Variants in MYCN observed in about 807,000 individuals in gnomAD.
MYCN encodes MYCN proto-oncogene, bHLH transcription factor, also known as N-myc proto-oncogene protein.
In MYCN, 3 loss-of-function variants were observed where a neutral mutation model predicts 28.1. The observed-to-expected ratio is 0.11, with a 90% confidence interval of 0.05 to 0.28. MYCN has a LOEUF of 0.28. Ranked by LOEUF, MYCN falls within the 10% of genes least tolerant of loss-of-function variation. MYCN has a pLI of 1.00. For missense variants in MYCN, 572 were observed against 651.4 expected (o/e 0.88, Z 1.33); for synonymous variants, 326 against 288.3 (o/e 1.13, Z -1.32).
Position 15,941,986 on chromosome 2 carries a change from C to T in MYCN, c.-79C>T. Reference sequence around the variant, plus strand: ...CGCCGGCCCCCGCCTTCCGCGCCCCCCACGGGAAGGAAGCACCCCCGGTAT... The same window carrying T: ...CGCCGGCCCCCGCCTTCCGCGCCCCTCACGGGAAGGAAGCACCCCCGGTAT... On this transcript the variant is annotated 5_prime_UTR_variant, in exon 2 of 3. Transcript: ENST00000281043. The surrounding 1 kb of genome is among the most constrained non-coding windows in gnomAD (Gnocchi z 4.8). The T allele has an allele frequency of 6.4e-7, 1 of 1,574,578 alleles. No individual in the cohort carries two copies. The highest frequency in any genetic ancestry group is 8.6e-7 in the Non-Finnish European group (1 of 1,156,784).
In MYCN at chr2:15,942,992, C is replaced by G. The variant is rs1483005100; in HGVS notation, c.790+138C>G. The G allele has an allele frequency of 8.1e-6, 9 of 1,117,292 alleles. No homozygotes were observed. Among genetic ancestry groups the G allele is most frequent in the Non-Finnish European group, 1.1e-5 (9 of 832,444 alleles). 69.2% of individuals were successfully genotyped at this position (1,117,292 alleles called of 1,614,324 possible). ...AGGGGCAGAGAGGTCCTGTTTCCCC[C>G]AAGTCTCTCCTCGGGGTAAAGAGAA... On this transcript the variant is annotated intron_variant, in intron 2 of 2. Transcript: ENST00000281043. The surrounding 1 kb of genome is among the most constrained non-coding windows in gnomAD (Gnocchi z 7.0).
chr2:15,942,844 G>A lies in MYCN; in HGVS notation c.780G>A (p.Leu260=), dbSNP rs569322990. The stretch of plus-strand genomic sequence containing the variant: ...TCAGTACCTCCGGAGAGGACACCCT[G>A]AGCGATTCAGGTAAAGACCGAACTC... ...KALSTSGEDT[L]SDSDDEDDEE... The change falls in exon 2 of 3, where the codon CTG becomes CTA. Residue 260 remains leucine, a synonymous_variant. Coordinates refer to ENST00000281043, the MANE Select transcript of MYCN (RefSeq NM_005378.6). The surrounding 1 kb of genome is among the most constrained non-coding windows in gnomAD (Gnocchi z 7.0). 30 of 1,585,928 alleles carry A rather than the reference G, an allele frequency of 1.9e-5. No individual in the cohort carries two copies. In the South Asian group the frequency reaches 3.1e-4, roughly 17 times the overall value.
Position 15,942,621 on chromosome 2 carries a change from G to A in MYCN, c.557G>A (p.Cys186Tyr), listed in dbSNP as rs1185162841. 1.8e-6 allele frequency: 2 copies of A among 1,121,664 alleles called. No individual in the cohort carries two copies. Among genetic ancestry groups the A allele is most frequent in the Non-Finnish European group, 2.2e-6 (2 of 916,712 alleles). The allele number at this position is 1,121,664 out of a possible 1,614,324, so 69.5% of individuals were successfully genotyped here. ...PAELAHPAAECVDPAVVFPFP... is the reference protein window; with the variant it reads ...PAELAHPAAEYVDPAVVFPFP... ...GAGCTCGCCCACCCGGCCGCCGAGT[G>A]CGTGGATCCCGCCGTGGTCTTCCCC... The change falls in exon 2 of 3, where the codon TGC becomes TAC. Residue 186 changes from cysteine (C) to tyrosine (Y), a missense_variant. Cys to Tyr is a radical substitution (Grantham distance 194, BLOSUM62 -2). Coordinates refer to ENST00000281043, the MANE Select transcript of MYCN (RefSeq NM_005378.6). The surrounding 1 kb of genome is among the most constrained non-coding windows in gnomAD (Gnocchi z 7.0).
At position 15,941,017 on chromosome 2, in the gene MYCN, T is replaced by C. The variant is rs1013709567; in HGVS notation, c.-118+274T>C. 5.9e-6 allele frequency: 2 copies of C among 336,942 alleles called. No homozygotes were observed. The highest frequency in any genetic ancestry group is 1.1e-5 in the Non-Finnish European group (2 of 187,990). 20.9% of individuals were successfully genotyped at this position (336,942 alleles called of 1,614,324 possible). A position where few individuals can be genotyped will look rare whatever the true frequency, so the allele number is the denominator to read the frequency against. The stretch of plus-strand genomic sequence containing the variant: ...CTGCGAAAAGAAATTCCCTCGGCTC[T>C]AGAAGATCTGTCTGTGTTTGAGCTG... On this transcript the variant is annotated intron_variant, in intron 1 of 2. Coordinates refer to ENST00000281043, the MANE Select transcript of MYCN (RefSeq NM_005378.6). This position sits in a 1 kb window ranked among gnomAD's most constrained non-coding sequence, Gnocchi z 4.8.
Position 15,942,193 on chromosome 2 carries a change from C to T in MYCN, c.129C>T (p.Thr43=), listed in dbSNP as rs779206813. ...DDFYFGGPDS[T]PPGEDIWKKF... is the part of the protein sequence containing the mutation. ...TCTACTTCGGCGGCCCCGACTCGAC[C>T]CCCCCGGGGGAGGACATCTGGAAGA... Residue 43 remains threonine (T), a synonymous_variant, in exon 2 of 3, where the codon ACC becomes ACT. Coordinates refer to ENST00000281043, the MANE Select transcript of MYCN (RefSeq NM_005378.6). This position sits in a 1 kb window ranked among gnomAD's most constrained non-coding sequence, Gnocchi z 7.0. The T allele has an allele frequency of 3.7e-6, 6 of 1,613,714 alleles. No homozygotes were observed. Among genetic ancestry groups the T allele is most frequent in the South Asian group, 3.3e-5 (3 of 91,088 alleles).
rs1662607166 is a variant in MYCN, at chr2:15,940,625, A to G, written c.-236A>G. The stretch of plus-strand genomic sequence containing the variant: ...CTGGGAACTGTGTTGGAGCCGAGCA[A>G]GCGCTAGCCAGGCGCAAGCGCGCAC... On this transcript the variant is annotated 5_prime_UTR_variant, in exon 1 of 3. Coordinates refer to ENST00000281043, the MANE Select transcript of MYCN (RefSeq NM_005378.6). 2.5e-6 allele frequency: 1 copy of G among 400,368 alleles called. No individual in the cohort carries two copies. The highest frequency in any genetic ancestry group is 4.4e-6 in the Non-Finnish European group (1 of 226,234). The allele number at this position is 400,368 out of a possible 1,614,324, so 24.8% of individuals were successfully genotyped here. A position where few individuals can be genotyped will look rare whatever the true frequency, so the allele number is the denominator to read the frequency against.
rs1256373207 is a variant in MYCN at position 15,945,199 on chromosome 2, C to T, written c.791-294C>T. 6.6e-6 allele frequency among the ~76,000 whole-genome samples: 1 copy of T among 151,994 alleles called. No homozygotes were observed. The highest frequency in any genetic ancestry group is 2.4e-5 in the African/African-American group (1 of 41,364). On this transcript the variant is annotated intron_variant, in intron 2 of 2. Transcript: ENST00000281043. This position sits in a 1 kb window ranked among gnomAD's most constrained non-coding sequence, Gnocchi z 4.8. Reference sequence around the variant, plus strand: ...ATTTTTAGTAGAGACAGGGTTTCACCATGTTGGCCAGGCTGATCTTGAACT... The same window carrying T: ...ATTTTTAGTAGAGACAGGGTTTCACTATGTTGGCCAGGCTGATCTTGAACT...
chr2:15,940,770 C>G (rs575551772), intron 1 of MYCN, 27 bp downstream of exon 1: 2 of 398,480 alleles, frequency 5.0e-6, no homozygotes, highest in African/African-American at 4.1e-5. Context: ...GCAAACCGCC[C>G]GGCGCCCAGG....
chr2:15,942,907 C>G lies in MYCN; in HGVS notation c.790+53C>G. On this transcript the variant is annotated intron_variant, in intron 2 of 2. Transcript: ENST00000281043. The surrounding 1 kb of genome is among the most constrained non-coding windows in gnomAD (Gnocchi z 7.0). Reference sequence around the variant, plus strand: ...CTCCCTGGGGCACTGGACCCCGGGTCGCGTCCCCTTTGTTAGTGCTCGTAT... The same window carrying G: ...CTCCCTGGGGCACTGGACCCCGGGTGGCGTCCCCTTTGTTAGTGCTCGTAT... 6.5e-7 allele frequency: 1 copy of G among 1,536,904 alleles called. No homozygotes were observed.
rs1662674808 is a variant in MYCN, at chr2:15,941,643, G to A, written c.-117-305G>A. ...GTGAGAGCTAGAATTCTGCAGCCAG[G>A]AACAGCCCCCTCCCCCAGGCAGTGC... On this transcript the variant is annotated intron_variant, in intron 1 of 2. Transcript: ENST00000281043. This position sits in a 1 kb window ranked among gnomAD's most constrained non-coding sequence, Gnocchi z 4.8. The A allele has an allele frequency of 3.5e-6, 1 of 285,958 alleles. No individual in the cohort carries two copies. The highest frequency in any genetic ancestry group is 6.5e-5 in the East Asian group (1 of 15,324). The allele number at this position is 285,958 out of a possible 1,614,324, so 17.7% of individuals were successfully genotyped here.
In MYCN at chr2:15,942,573, G is replaced by A; in HGVS notation, c.509G>A (p.Arg170His). Residue 170 changes from arginine (R) to histidine (H), a missense_variant, in exon 2 of 3, where the codon CGC becomes CAC. Arg to His is a conservative substitution (Grantham distance 29). This residue lies in a region of MYCN where 499 missense variants were observed against 524.3 expected (regional missense o/e 0.95). Transcript: ENST00000281043. The surrounding 1 kb of genome is among the most constrained non-coding windows in gnomAD (Gnocchi z 7.0). ...RGHGGAAGAGRAGAALPAELA... is the reference protein window; with the variant it reads ...RGHGGAAGAGHAGAALPAELA... Reference sequence around the variant, plus strand: ...CACGGCGGGGCTGCGGGAGCCGGCCGCGCCGGGGCCGCCCTGCCCGCCGAG... The same window carrying A: ...CACGGCGGGGCTGCGGGAGCCGGCCACGCCGGGGCCGCCCTGCCCGCCGAG... 9.2e-7 allele frequency: 1 copy of A among 1,086,130 alleles called. No individual in the cohort carries two copies. The highest frequency in any genetic ancestry group is 1.1e-6 in the Non-Finnish European group (1 of 897,366). 67.3% of individuals were successfully genotyped at this position (1,086,130 alleles called of 1,614,324 possible).
In MYCN at chr2:15,942,575, G is replaced by T. The variant is rs756590478; in HGVS notation, c.511G>T (p.Ala171Ser). ...CGGCGGGGCTGCGGGAGCCGGCCGC[G>T]CCGGGGCCGCCCTGCCCGCCGAGCT... The part of the protein sequence containing the change: ...GHGGAAGAGR[A>S]GAALPAELAH... Residue 171 changes from alanine (A) to serine (S), a missense_variant, in exon 2 of 3, where the codon GCC (alanine) becomes TCC (serine). Coordinates refer to ENST00000281043, the MANE Select transcript of MYCN (RefSeq NM_005378.6). The surrounding 1 kb of genome is among the most constrained non-coding windows in gnomAD (Gnocchi z 7.0). 4.7e-6 allele frequency: 5 copies of T among 1,074,718 alleles called. No homozygotes were observed. The East Asian group carries it at 2.7e-4, about 58-fold the overall frequency. 66.6% of individuals were successfully genotyped at this position (1,074,718 alleles called of 1,614,324 possible). A position where few individuals can be genotyped will look rare whatever the true frequency, so the allele number is the denominator to read the frequency against.
chr2:15,941,685 G>C lies in MYCN; in HGVS notation c.-117-263G>C. The C allele has an allele frequency of 5.3e-6, 2 of 375,920 alleles. No homozygotes were observed. The highest frequency in any genetic ancestry group is 6.1e-5 in the South Asian group (2 of 32,612). The allele number at this position is 375,920 out of a possible 1,614,324, so 23.3% of individuals were successfully genotyped here. On this transcript the variant is annotated intron_variant, in intron 1 of 2. Coordinates refer to ENST00000281043, the MANE Select transcript of MYCN (RefSeq NM_005378.6). The surrounding 1 kb of genome is among the most constrained non-coding windows in gnomAD (Gnocchi z 4.8). ...AGGCAGTGCCTTGTGTGAATGAAAT[G>C]GCAGTTTCCAAAGTTGCGGAGCCTC...
Position 15,942,001 on chromosome 2 carries a change from A to C in MYCN, c.-64A>C, listed in dbSNP as rs1662691740. 1 of 1,601,792 alleles carries C rather than the reference A, an allele frequency of 6.2e-7. No individual in the cohort carries two copies. Among genetic ancestry groups the C allele is most frequent in the African/African-American group, 1.3e-5 (1 of 74,610 alleles). On this transcript the variant is annotated 5_prime_UTR_variant, in exon 2 of 3. Transcript: ENST00000281043. The surrounding 1 kb of genome is among the most constrained non-coding windows in gnomAD (Gnocchi z 7.0). ...TCCGCGCCCCCCACGGGAAGGAAGC[A>C]CCCCCGGTATTAAAACGAACGGGGC...
Position 15,940,559 on chromosome 2 carries a change from C to A in MYCN, c.-302C>A. On this transcript the variant is annotated 5_prime_UTR_variant, in exon 1 of 3. Coordinates refer to ENST00000281043, the MANE Select transcript of MYCN (RefSeq NM_005378.6). Reference sequence around the variant, plus strand: ...CCGAGCTTCAAAGCGCAGGCTGTGACAGTCATCTGTCTGGACGCGCTGGGT... The same window carrying A: ...CCGAGCTTCAAAGCGCAGGCTGTGAAAGTCATCTGTCTGGACGCGCTGGGT... 2.5e-6 allele frequency: 1 copy of A among 399,662 alleles called. No individual in the cohort carries two copies. Among genetic ancestry groups the A allele is most frequent in the Non-Finnish European group, 4.4e-6 (1 of 226,196 alleles). 24.8% of individuals were successfully genotyped at this position (399,662 alleles called of 1,614,324 possible).
At position 15,945,772 on chromosome 2, in the gene MYCN, G is replaced by A. The variant is rs1398902296; in HGVS notation, c.1070G>A (p.Arg357His). The change falls in exon 3 of 3, where the codon CGT becomes CAT. Residue 357 changes from arginine to histidine, a missense_variant. Physicochemically the swap from Arg to His is conservative, Grantham distance 29 (BLOSUM62 0). Coordinates refer to ENST00000281043, the MANE Select transcript of MYCN (RefSeq NM_005378.6). The surrounding 1 kb of genome is among the most constrained non-coding windows in gnomAD (Gnocchi z 4.8). ...QKKIKSEASPRPLKSVIPPKA... is the reference protein window; with the variant it reads ...QKKIKSEASPHPLKSVIPPKA... ...AAGATAAAGAGCGAGGCGTCCCCAC[G>A]TCCGCTCAAGAGTGTCATCCCCCCA... 4 of 1,614,072 alleles carry A rather than the reference G, an allele frequency of 2.5e-6. No homozygotes were observed. The highest frequency in any genetic ancestry group is 3.4e-6 in the Non-Finnish European group (4 of 1,180,016).
chr2:15,941,835 G>C lies in MYCN; in HGVS notation c.-117-113G>C. 1 of 603,432 alleles carries C rather than the reference G, an allele frequency of 1.7e-6. No individual in the cohort carries two copies. Among genetic ancestry groups the C allele is most frequent in the Non-Finnish European group, 2.9e-6 (1 of 339,592 alleles). The allele number at this position is 603,432 out of a possible 1,614,324, so 37.4% of individuals were successfully genotyped here. A position where few individuals can be genotyped will look rare whatever the true frequency, so the allele number is the denominator to read the frequency against. On this transcript the variant is annotated intron_variant, in intron 1 of 2. Transcript: ENST00000281043. The surrounding 1 kb of genome is among the most constrained non-coding windows in gnomAD (Gnocchi z 4.8). ...CCTCCACCTTCGGGAGCAGTGGGCA[G>C]AGTGGGGGGCTTGGAGGGAAGATTG...
rs1033331701 is a variant in MYCN, at chr2:15,946,574, T to G, written c.*477T>G. Reference sequence around the variant, plus strand: ...GTGGCTTTTGCGGCCAGTATTAGACTGGAAGTTCATACCTAAGTACTGTAA... The same window carrying G: ...GTGGCTTTTGCGGCCAGTATTAGACGGGAAGTTCATACCTAAGTACTGTAA... On this transcript the variant is annotated 3_prime_UTR_variant, in exon 3 of 3. Coordinates refer to ENST00000281043, the MANE Select transcript of MYCN (RefSeq NM_005378.6). 1.4e-4 allele frequency: 46 copies of G among 327,142 alleles called. No individual in the cohort carries two copies. The highest frequency in any genetic ancestry group is 1.3e-4 in the Non-Finnish European group (22 of 174,348). The allele number at this position is 327,142 out of a possible 1,614,324, so 20.3% of individuals were successfully genotyped here.
Position 15,941,707 on chromosome 2 carries a change from C to T in MYCN, c.-117-241C>T. 2.5e-6 allele frequency: 1 copy of T among 406,736 alleles called. No homozygotes were observed. The highest frequency in any genetic ancestry group is 4.5e-6 in the Non-Finnish European group (1 of 221,842). The allele number at this position is 406,736 out of a possible 1,614,324, so 25.2% of individuals were successfully genotyped here. A position where few individuals can be genotyped will look rare whatever the true frequency, so the allele number is the denominator to read the frequency against. On this transcript the variant is annotated intron_variant, in intron 1 of 2. Coordinates refer to ENST00000281043, the MANE Select transcript of MYCN (RefSeq NM_005378.6). The surrounding 1 kb of genome is among the most constrained non-coding windows in gnomAD (Gnocchi z 4.8). The stretch of plus-strand genomic sequence containing the variant: ...AATGGCAGTTTCCAAAGTTGCGGAG[C>T]CTCGCCACCACCCCCTGCATCTGCA...
Sources: gnomAD v4.1 joint callset for allele counts (sites outside exome capture counted in the v4.1 genomes callset) on GRCh38, gnomAD v4.1.1 for gene constraint, gnomAD v4.1.1 regional missense constraint, Gnocchi (gnomAD v3.1) non-coding constraint, MANE v1.5 for transcripts, NCBI Gene and HGNC (gene_info 2026-07-23, HGNC 2026-07-21) for gene names.